The following GNB1 variants were observed in gnomAD, a reference collection of about 807,000 sequenced individuals.
The protein encoded by GNB1 is G protein subunit beta 1.
Under a neutral mutation model 42.9 loss-of-function variants are expected in GNB1, and 2 were observed. That is an observed-to-expected ratio of 0.05 (90% CI 0.02 to 0.15). The LOEUF is 0.15. Ranked by LOEUF, GNB1 falls within the 10% of genes least tolerant of loss-of-function variation. The pLI, the probability that GNB1 is intolerant of heterozygous loss-of-function variation, is 1.00. For synonymous variants in GNB1, 183 were observed against 174.7 expected (o/e 1.05, Z -0.38); for missense variants, 193 against 462.2 (o/e 0.42, Z 5.34).
At chr1:1,844,281 C>T (rs1384469114) in intron 1 of GNB1, among the ~76,000 whole-genome samples, 1 of 151,570 alleles carries the variant, frequency 6.6e-6, no homozygotes, top group Non-Finnish European at 1.5e-5. Context: ...GTCCCAGCTA[C>T]TTGAGAGGCT....
In GNB1 at chr1:1,790,016, G is replaced by C. The variant is rs1188364314; in HGVS notation, c.699+379C>G. Among the ~76,000 whole-genome samples the C allele has an allele frequency of 6.6e-6, 1 of 152,170 alleles. No individual in the cohort carries two copies. Among genetic ancestry groups the C allele is most frequent in the Non-Finnish European group, 1.5e-5 (1 of 68,024 alleles). The stretch of plus-strand genomic sequence containing the variant: ...TTCTAAGTCTCCTCACAAGGCCAGG[G>C]GCTGGAAACACTGCCTAGCCATCCG... On this transcript the variant is annotated intron_variant, in intron 9 of 11. Coordinates refer to ENST00000378609, the MANE Select transcript of GNB1 (RefSeq NM_002074.5). The surrounding 1 kb of genome is among the most constrained non-coding windows in gnomAD (Gnocchi z 5.4).
chr1:1,876,297 T>A (rs1457174990), intron 1 of GNB1, among the ~76,000 whole-genome samples: 2 of 152,076 alleles, frequency 1.3e-5, no homozygotes, highest in Non-Finnish European at 2.9e-5. Flanking sequence ...CCAGATCAGC[T>A]TGGAGAAGGA....
intron 7 of GNB1, among the ~76,000 whole-genome samples, chr1:1,799,358 T>A (rs1646593148): frequency 2.6e-5 from 4 of 152,244 alleles, no homozygotes; most frequent in Non-Finnish European, 5.9e-5. Flanking sequence ...TTTATTTTCT[T>A]GAGTATTTTT....
At chr1:1,856,834 T>G (rs1395181082) in intron 1 of GNB1, among the ~76,000 whole-genome samples, 1 of 152,230 alleles carries the variant, frequency 6.6e-6, no homozygotes, top group Non-Finnish European at 1.5e-5. Flanking sequence ...TGAAAACAGT[T>G]GATATTTCAT....
intron 1 of GNB1, among the ~76,000 whole-genome samples, chr1:1,875,830 AAC>A (rs985119081): frequency 1.5e-4 from 5 of 33,042 alleles, no homozygotes; most frequent in African/African-American, 7.9e-4. Flanking sequence ...TAGCAGGTTC[AAC>A]AGTGTCCCCC....
chr1:1,854,183 C>T (rs940343937), intron 1 of GNB1, among the ~76,000 whole-genome samples: 1 of 152,152 alleles, frequency 6.6e-6, no homozygotes, highest in Non-Finnish European at 1.5e-5. Context: ...CATAAAACTA[C>T]GTAAGAAGGG....
intron 5 of GNB1, among the ~76,000 whole-genome samples, chr1:1,812,546 A>C (rs1195694226): frequency 6.6e-6 from 1 of 152,182 alleles, no homozygotes; most frequent in African/African-American, 2.4e-5. Context: ...GAGGTTCTCC[A>C]TAATATCATT....
intron 7 of GNB1, among the ~76,000 whole-genome samples, chr1:1,797,450 T>C (rs1196559037): frequency 2.0e-5 from 3 of 152,190 alleles, no homozygotes; most frequent in Non-Finnish European, 2.9e-5. Flanking sequence ...AATTCCTTTT[T>C]TTTTTTGAGA....
intron 5 of GNB1, among the ~76,000 whole-genome samples, chr1:1,812,780 C>T (rs906423793): frequency 2.0e-5 from 3 of 152,208 alleles, no homozygotes; most frequent in Admixed American, 1.3e-4. Flanking sequence ...TTGAGACAGA[C>T]GGAACATAAA....
In GNB1 at chr1:1,852,822, A is replaced by T. The variant is rs528032113; in HGVS notation, c.-95-13584T>A. On this transcript the variant is annotated intron_variant, in intron 1 of 11. Transcript: ENST00000378609. Reference sequence around the variant, plus strand: ...CCCCTCATCCTGCTCTCACCAACCCAGCTCCACATCTGCCACACCCAGTCA... The same window carrying T: ...CCCCTCATCCTGCTCTCACCAACCCTGCTCCACATCTGCCACACCCAGTCA... 2.0e-5 allele frequency among the ~76,000 whole-genome samples: 3 copies of T among 151,800 alleles called. No individual in the cohort carries two copies. The South Asian group carries it at 6.2e-4, about 32-fold the overall frequency.
chr1:1,818,934 G>A (rs1044929762), intron 3 of GNB1, among the ~76,000 whole-genome samples: 33 of 152,006 alleles, frequency 2.2e-4, no homozygotes, highest in African/African-American at 7.2e-4. Context: ...TATGGAAAAC[G>A]AGCAAGGGAC....
intron 2 of GNB1, among the ~76,000 whole-genome samples, chr1:1,836,287 G>GCTT (rs1235682499): frequency 6.6e-6 from 1 of 151,896 alleles, no homozygotes; most frequent in Non-Finnish European, 1.5e-5. Flanking sequence ...TGACTGCTGA[G>GCTT]CTTCTGAGGC....
intron 2 of GNB1, among the ~76,000 whole-genome samples, chr1:1,838,018 C>T (rs1647175242): frequency 6.6e-6 from 1 of 151,784 alleles, no homozygotes; most frequent in Admixed American, 6.6e-5. Context: ...GCCTGACCAA[C>T]ATGGTGAAAC....
intron 5 of GNB1, 44 bp downstream of exon 5, chr1:1,815,711 GC>G (rs1646844477): frequency 2.0e-6 from 2 of 1,003,714 alleles, no homozygotes; most frequent in South Asian, 1.3e-5. Flanking sequence ...CAACAGAGCA[GC>G]CCCTGAATGT....
At chr1:1,857,115 T>C (rs1460469372) in intron 1 of GNB1, among the ~76,000 whole-genome samples, 1 of 152,242 alleles carries the variant, frequency 6.6e-6, no homozygotes, top group Admixed American at 6.5e-5. Flanking sequence ...TAGGAAATCA[T>C]TAATTCTAGA....
At chr1:1,882,555 A>G (rs2101898850) in intron 1 of GNB1, among the ~76,000 whole-genome samples, 2 of 152,228 alleles carry the variant, frequency 1.3e-5, no homozygotes, top group Middle Eastern at 6.8e-3. Flanking sequence ...AAATCAAGGG[A>G]CGTCAACAAA....
rs149559165 is a variant in GNB1, at chr1:1,875,974, A to G, written c.-96+14846T>C. ...GCCCTAATCTAATAACTATGTCCTT[A>G]TAAGGTGAGTAGAGACACTGAGAAA... On this transcript the variant is annotated intron_variant, in intron 1 of 11. Transcript: ENST00000378609. 2.3e-3 allele frequency among the ~76,000 whole-genome samples: 357 copies of G among 152,286 alleles called. 3 individuals are homozygous for G. Among genetic ancestry groups the G allele is most frequent in the African/African-American group, 7.8e-3 (325 of 41,550 alleles).
intron 2 of GNB1, among the ~76,000 whole-genome samples, chr1:1,835,409 T>C (rs955972313): frequency 6.6e-6 from 1 of 152,214 alleles, no homozygotes. Flanking sequence ...ACAATTCCAT[T>C]AGAATCCATG....
chr1:1,861,154 T>C (rs901594527), intron 1 of GNB1, among the ~76,000 whole-genome samples: 1 of 148,684 alleles, frequency 6.7e-6, no homozygotes, highest in Non-Finnish European at 1.5e-5. Context: ...AATCTTTGTG[T>C]CTCAGAACAA....
Sources: gnomAD v4.1 joint callset for allele counts (sites outside exome capture counted in the v4.1 genomes callset) on GRCh38, gnomAD v4.1.1 for gene constraint, Gnocchi (gnomAD v3.1) non-coding constraint, MANE v1.5 for transcripts, NCBI Gene and HGNC (gene_info 2026-07-23, HGNC 2026-07-21) for gene names.